The following L3MBTL1 variants were observed in gnomAD, a reference collection of about 807,000 sequenced individuals.
L3MBTL1 encodes the protein lethal(3)malignant brain tumor-like protein 1.
L3MBTL1 carries 75 observed loss-of-function variants against 105.3 expected under a neutral mutation model. That is an observed-to-expected ratio of 0.71 (90% CI 0.59 to 0.86). The LOEUF (loss-of-function observed/expected upper bound fraction) is 0.86. Ranked by LOEUF, L3MBTL1 falls within the 40% of genes least tolerant of loss-of-function variation. L3MBTL1 has a pLI of 0.00. For missense variants in L3MBTL1, 1,069 were observed against 1,126.4 expected, an observed-to-expected ratio of 0.95 and a Z score of 0.73; for synonymous variants, 452 against 436.2, an observed-to-expected ratio of 1.04 and a Z score of -0.45.
chr20:43,533,347 A>T lies in L3MBTL1; in HGVS notation c.1442A>T (p.Asp481Val), dbSNP rs752904228. 4 of 1,613,730 alleles carry T rather than the reference A, an allele frequency of 2.5e-6. No homozygotes were observed. The highest frequency in any genetic ancestry group is 3.4e-6 in the Non-Finnish European group (4 of 1,179,836). The change falls in exon 13 of 22, where the codon GAT becomes GTT. Residue 481 changes from aspartate (D) to valine (V), a missense_variant. Coordinates refer to ENST00000418998, the MANE Select transcript of L3MBTL1 (RefSeq NM_001377303.1). ...NWDDTYDYWC[D>V]PSSPYIHPVG... is the part of the protein sequence containing the mutation. ...GACATGTTCTTGGATTTCAGGTGTGATCCCAGCAGCCCCTACATCCACCCA... is the reference window on the plus strand; with the variant it reads ...GACATGTTCTTGGATTTCAGGTGTGTTCCCAGCAGCCCCTACATCCACCCA...
intron 18 of L3MBTL1, among the ~76,000 whole-genome samples, chr20:43,547,288 T>C (rs966257466): frequency 5.9e-5 from 9 of 152,102 alleles, no homozygotes; most frequent in African/African-American, 2.2e-4. Flanking sequence ...GTATTTTTAG[T>C]AGAAGCGGGG....
Position 43,548,303 on chromosome 20 carries a change from C to G in L3MBTL1, c.*58C>G, listed in dbSNP as rs1978765744. 3 of 1,276,280 alleles carry G rather than the reference C, an allele frequency of 2.4e-6. No homozygotes were observed. The Admixed American group carries it at 7.0e-5, about 30-fold the overall frequency. The allele number at this position is 1,276,280 out of a possible 1,614,324, so 79.1% of individuals were successfully genotyped here. ...GCTTGGCCTCCCTCTCCAGCTGATG[C>G]TTTCTTCCTGACCTGAATTCCTCAT... On this transcript the variant is annotated 3_prime_UTR_variant, in exon 19 of 19. Transcript: ENST00000422861.
chr20:43,511,155 C>T (rs1277669972), intron 1 of L3MBTL1, among the ~76,000 whole-genome samples: 2 of 152,116 alleles, frequency 1.3e-5, no homozygotes, highest in South Asian at 4.1e-4. Flanking sequence ...CGGGTTCAAG[C>T]GATTCTCCTG....
At chr20:43,513,448 C>G in intron 1 of L3MBTL1, 28 bp from the exon 2 acceptor site, 1 of 1,532,608 alleles carries the variant, frequency 6.5e-7, no homozygotes, top group Non-Finnish European at 8.8e-7. Context: ...CCCACCTGAT[C>G]ACCCTGGGGG....
At position 43,513,932 on chromosome 20, in the gene L3MBTL1, C is replaced by G. The variant is rs574463356; in HGVS notation, c.231C>G (p.Ala77=). The part of the protein sequence containing the change: ...PIHVGAPEQV[A]GCEPVSATVL... Reference sequence around the variant, plus strand: ...ATGTGGGTGCCCCGGAGCAAGTGGCCGGCTGCGAACCAGTTTCTGCCACCG... The same window carrying G: ...ATGTGGGTGCCCCGGAGCAAGTGGCGGGCTGCGAACCAGTTTCTGCCACCG... The change falls in exon 3 of 22, where the codon GCC becomes GCG. Residue 77 remains alanine, a synonymous_variant. Transcript: ENST00000418998. The G allele has an allele frequency of 1.3e-6, 2 of 1,550,132 alleles. No homozygotes were observed. The highest frequency in any genetic ancestry group is 1.7e-6 in the Non-Finnish European group (2 of 1,146,990).
In L3MBTL1 at chr20:43,540,142, G is replaced by A; in HGVS notation, c.2174-9G>A. On this transcript the variant is annotated splice_polypyrimidine_tract_variant and intron_variant, in intron 19 of 21. Transcript: ENST00000418998. ...CGTTGGCCTGCCAGCCTCTGCCTCT[G>A]CTTTCCAGCCCTCACGCCCGATGTC... 1.9e-6 allele frequency: 3 copies of A among 1,610,464 alleles called. No individual in the cohort carries two copies. The highest frequency in any genetic ancestry group is 2.5e-6 in the Non-Finnish European group (3 of 1,179,994).
At chr20:43,549,650 G>C (rs566938929) in exon 19 of L3MBTL1, 3 of 152,354 alleles carry the variant, frequency 2.0e-5, no homozygotes, top group African/African-American at 7.2e-5. Context: ...CCCGTGTCCA[G>C]GTGCTGATGT....
chr20:43,516,279 A>C, intron 7 of L3MBTL1, 102 bp downstream of exon 7: 1 of 809,598 alleles, frequency 1.2e-6, no homozygotes, highest in Non-Finnish European at 2.1e-6. Flanking sequence ...TAGGTTGTAC[A>C]TGCATAAATG....
At chr20:43,529,130 A>G in intron 8 of L3MBTL1, 134 bp from the exon 9 acceptor site, 2 of 662,448 alleles carry the variant, frequency 3.0e-6, no homozygotes, top group Non-Finnish European at 5.5e-6. Flanking sequence ...CCCTGTAGTA[A>G]CGATCCCCAA....
downstream of L3MBTL1, among the ~76,000 whole-genome samples, chr20:43,544,281 T>C (rs949917300): frequency 1.3e-5 from 2 of 152,218 alleles, no homozygotes; most frequent in African/African-American, 4.8e-5. Context: ...AAACATTCCA[T>C]GTGTGGCTCT....
At chr20:43,513,687 C>T in intron 2 of L3MBTL1, 48 bp downstream of exon 2, 2 of 1,549,558 alleles carry the variant, frequency 1.3e-6, no homozygotes, top group Non-Finnish European at 1.7e-6. Context: ...CATCTCTGTA[C>T]CTGCTCAAGC....
chr20:43,545,679 G>C (rs1472448162), downstream of L3MBTL1, among the ~76,000 whole-genome samples: 1 of 152,200 alleles, frequency 6.6e-6, no homozygotes, highest in Non-Finnish European at 1.5e-5. Context: ...TTCACTTGAG[G>C]GGTCATTTTA....
intron 7 of L3MBTL1, 94 bp from the exon 8 acceptor site, chr20:43,528,563 T>A: frequency 1.1e-6 from 1 of 869,924 alleles, no homozygotes; most frequent in Non-Finnish European, 1.9e-6. Context: ...AAGATTTGTT[T>A]TGGGGGTGAA....
rs1248435065 is a variant in L3MBTL1, at chr20:43,514,637, C to A, written c.363C>A (p.Phe121Leu). ...CCTCAGACCCTCCCGCGCTCCAGTT[C>A]CGGATAAGCGAGTATAAGCCGCTGA... ...AAPPPGGGLR[F>L]RISEYKPLNM... Residue 121 changes from phenylalanine to leucine, a missense_variant and splice_region_variant, in exon 4 of 22, where the codon TTC becomes TTA. Coordinates refer to ENST00000418998, the MANE Select transcript of L3MBTL1 (RefSeq NM_001377303.1). The A allele has an allele frequency of 6.3e-7, 1 of 1,598,860 alleles. No individual in the cohort carries two copies.
chr20:43,524,636 A>G (rs376928138), intron 7 of L3MBTL1, among the ~76,000 whole-genome samples: 1 of 151,476 alleles, frequency 6.6e-6, no homozygotes, highest in Non-Finnish European at 1.5e-5. Context: ...ATCCATCCTT[A>G]TAGTCATTTA....
In L3MBTL1 at chr20:43,541,064, T is replaced by G; in HGVS notation, c.2525T>G (p.Leu842Arg). 1 of 1,614,202 alleles carries G rather than the reference T, an allele frequency of 6.2e-7. No homozygotes were observed. Among genetic ancestry groups the G allele is most frequent in the Non-Finnish European group, 8.5e-7 (1 of 1,180,044 alleles). ...KGILETGVHS[L>R]LCSLPTHLLA... ...ATCCTGGAGACAGGAGTCCATTCAC[T>G]CCTCTGCTCTCTACCCACTCATTTG... Residue 842 changes from leucine to arginine, a missense_variant, in exon 22 of 22, where the codon CTC becomes CGC. Transcript: ENST00000418998.
chr20:43,514,337 C>A, intron 3 of L3MBTL1: 1 of 1,117,520 alleles, frequency 8.9e-7, no homozygotes, highest in Non-Finnish European at 1.2e-6. Context: ...CCTGAGTGGG[C>A]CTGTGTTAGT....
At chr20:43,538,464 G>T (rs1324571146) in intron 19 of L3MBTL1, among the ~76,000 whole-genome samples, 1 of 152,174 alleles carries the variant, frequency 6.6e-6, no homozygotes, top group African/African-American at 2.4e-5. Flanking sequence ...CTTCTAGCTG[G>T]CCTGTCACCC....
In L3MBTL1 at chr20:43,516,192, G is replaced by C; in HGVS notation, c.862+15G>C. 1 of 1,603,420 alleles carries C rather than the reference G, an allele frequency of 6.2e-7. No individual in the cohort carries two copies. ...CAGCCAGCCTGGTACGGTGGCTTGT[G>C]TGTATATATATTCGTGTGAGGTGTG... is the stretch of plus-strand genomic sequence containing the variant. On this transcript the variant is annotated intron_variant, in intron 7 of 21. Transcript: ENST00000418998.
Sources: allele counts gnomAD v4.1 joint callset (sites outside exome capture counted in the v4.1 genomes callset), GRCh38; gene constraint gnomAD v4.1.1; transcripts MANE v1.5; gene names NCBI Gene and HGNC (gene_info 2026-07-23, HGNC 2026-07-21).